The following ZDHHC14 variants were observed in gnomAD, a reference collection of about 807,000 sequenced individuals.
ZDHHC14 encodes palmitoyltransferase ZDHHC14.
In ZDHHC14, 16 loss-of-function variants were observed where a neutral mutation model predicts 47.7. That is an observed-to-expected ratio of 0.34 (90% confidence interval 0.23 to 0.51). The LOEUF (loss-of-function observed/expected upper bound fraction) is 0.51, where lower values mean the gene tolerates loss of function less well. Ranked by LOEUF, ZDHHC14 falls within the 20% of genes least tolerant of loss-of-function variation. ZDHHC14 has a pLI of 0.97. For synonymous variants in ZDHHC14, 293 were observed against 278.9 expected (o/e 1.05, Z -0.50); for missense variants, 515 against 662.5 (o/e 0.78, Z 2.44).
chr6:157,672,798 G>T lies in ZDHHC14; in HGVS notation c.1143G>T (p.Glu381Asp). The T allele has an allele frequency of 6.2e-7, 1 of 1,612,738 alleles. No homozygotes were observed. Among genetic ancestry groups the T allele is most frequent in the South Asian group, 1.1e-5 (1 of 91,058 alleles). ...QAAATPLLQS[E>D]PSLTSDELHL... ...CAGCCACGCCCCTGCTGCAGAGCGA[G>T]CCCAGCCTCACCAGCGACGAGCTGC... Residue 381 changes from glutamate (E) to aspartate (D), a missense_variant, in exon 9 of 9, where the codon GAG (glutamate) becomes GAT (aspartate). Around this residue, in one of 4 missense-constraint regions of ZDHHC14, gnomAD observed 221 missense variants for 233.6 expected, o/e 0.95. Transcript: ENST00000359775.
At chr6:157,413,240 C>T (rs1013770220) in intron 1 of ZDHHC14, among the ~76,000 whole-genome samples, 1 of 152,220 alleles carries the variant, frequency 6.6e-6, no homozygotes, top group Non-Finnish European at 1.5e-5. Context: ...TGCTGCTTCT[C>T]TCTGCCTCTC....
At position 157,636,199 on chromosome 6, in the gene ZDHHC14, AACAC is replaced by A. The variant is rs200065831; in HGVS notation, c.752+3333_752+3336del. Among the ~76,000 whole-genome samples, 117 of 150,852 alleles carry A rather than the reference AACAC, an allele frequency of 7.8e-4. 1 individual carries two copies. Among genetic ancestry groups the A allele is most frequent in the African/African-American group, 2.7e-3 (112 of 41,170 alleles). ...TCGCACAGGTCACTTGATGGATTTA[AACAC>A]ACACACACACACACAGCGCTGTCTA... is the stretch of plus-strand genomic sequence containing the variant. On this transcript the variant is annotated intron_variant, in intron 5 of 8. Coordinates refer to ENST00000359775, the MANE Select transcript of ZDHHC14 (RefSeq NM_024630.3).
chr6:157,643,650 A>AATATAT (rs3056787), intron 5 of ZDHHC14, among the ~76,000 whole-genome samples: 6,236 of 72,432 alleles, frequency 0.086, 985 homozygotes, highest in South Asian at 0.11. Flanking sequence ...CTTCATCTCA[A>AATATAT]ATATATATAT....
intron 3 of ZDHHC14, among the ~76,000 whole-genome samples, chr6:157,625,764 T>A (rs917008946): frequency 3.9e-5 from 6 of 152,060 alleles, no homozygotes; most frequent in Admixed American, 6.5e-5. Context: ...TTCAGTAGGA[T>A]AATTTCTCGG....
At chr6:157,506,004 T>G (rs1030149381) in intron 1 of ZDHHC14, among the ~76,000 whole-genome samples, 1 of 152,212 alleles carries the variant, frequency 6.6e-6, no homozygotes, top group African/African-American at 2.4e-5. Flanking sequence ...ATAGCACCTG[T>G]GCTTGGTAAC....
At chr6:157,480,170 C>T (rs1779588004) in intron 1 of ZDHHC14, among the ~76,000 whole-genome samples, 1 of 151,640 alleles carries the variant, frequency 6.6e-6, no homozygotes, top group Non-Finnish European at 1.5e-5. Flanking sequence ...AGTGTTTCAT[C>T]ACTGACATTT....
intron 1 of ZDHHC14, among the ~76,000 whole-genome samples, chr6:157,507,654 C>T (rs1562453099): frequency 6.6e-6 from 1 of 152,188 alleles, no homozygotes; most frequent in Non-Finnish European, 1.5e-5. Flanking sequence ...CATCCAATTG[C>T]ACCCATTCTT....
intron 1 of ZDHHC14, among the ~76,000 whole-genome samples, chr6:157,434,395 A>T (rs1396242140): frequency 6.6e-6 from 1 of 151,948 alleles, no homozygotes; most frequent in East Asian, 1.9e-4. Context: ...TTCACACCAG[A>T]CAGGTGGATG....
chr6:157,423,031 C>T (rs1004759090), intron 1 of ZDHHC14, among the ~76,000 whole-genome samples: 6 of 152,148 alleles, frequency 3.9e-5, no homozygotes, highest in African/African-American at 1.4e-4. Context: ...AAATGTTTTC[C>T]AGGCCAAACA....
At chr6:157,556,910 C>G (rs181867738) in intron 2 of ZDHHC14, among the ~76,000 whole-genome samples, 1 of 152,070 alleles carries the variant, frequency 6.6e-6, no homozygotes. Flanking sequence ...GGAAGAGTTG[C>G]GGGCACTGAG....
intron 1 of ZDHHC14, among the ~76,000 whole-genome samples, chr6:157,386,076 TTGTTAG>T (rs1429084067): frequency 6.6e-6 from 1 of 152,182 alleles, no homozygotes; most frequent in African/African-American, 2.4e-5. Flanking sequence ...ATGGTTCATA[TTGTTAG>T]AGTAAATCTT....
At chr6:157,474,091 C>G (rs1392788455) in intron 1 of ZDHHC14, among the ~76,000 whole-genome samples, 1 of 151,304 alleles carries the variant, frequency 6.6e-6, no homozygotes, top group East Asian at 1.9e-4. Context: ...CGGGTTCAAG[C>G]AATTCTCCTG....
intron 3 of ZDHHC14, among the ~76,000 whole-genome samples, chr6:157,605,941 A>G (rs1461140696): frequency 6.6e-6 from 1 of 152,212 alleles, no homozygotes; most frequent in Non-Finnish European, 1.5e-5. Context: ...GCCCAGGCAA[A>G]GTCATAAATA....
chr6:157,503,614 C>T (rs553997702), intron 1 of ZDHHC14, among the ~76,000 whole-genome samples: 1 of 152,240 alleles, frequency 6.6e-6, no homozygotes, highest in South Asian at 2.1e-4. Context: ...TTTTCATCCT[C>T]CTATTGAATT....
intron 6 of ZDHHC14, chr6:157,646,408 C>G (rs1394883985): frequency 6.6e-6 from 1 of 152,134 alleles, no homozygotes; most frequent in African/African-American, 2.4e-5. Flanking sequence ...GTCAGGAGAT[C>G]GAGGCCATCC....
intron 3 of ZDHHC14, among the ~76,000 whole-genome samples, chr6:157,627,932 T>C (rs1380360231): frequency 6.6e-6 from 1 of 152,216 alleles, no homozygotes; most frequent in East Asian, 1.9e-4. Flanking sequence ...TACTATGCAA[T>C]GCAGGTCACT....
intron 7 of ZDHHC14, among the ~76,000 whole-genome samples, chr6:157,652,451 G>A (rs1210920916): frequency 6.6e-6 from 1 of 152,132 alleles, no homozygotes; most frequent in African/African-American, 2.4e-5. Flanking sequence ...ACACTGTGGG[G>A]GCTGCTCCAG....
chr6:157,461,498 G>A (rs1005789746), intron 1 of ZDHHC14, among the ~76,000 whole-genome samples: 2 of 152,150 alleles, frequency 1.3e-5, no homozygotes, highest in African/African-American at 4.8e-5. Flanking sequence ...TTACGGCCCA[G>A]CCCCATCACT....
chr6:157,515,758 C>T (rs761595994), intron 1 of ZDHHC14, among the ~76,000 whole-genome samples: 18 of 152,116 alleles, frequency 1.2e-4, no homozygotes, highest in Non-Finnish European at 2.5e-4. Context: ...AGCCACCGCG[C>T]CCGGCCCACC....
Sources: allele counts gnomAD v4.1 joint callset (sites outside exome capture counted in the v4.1 genomes callset), GRCh38; gene constraint gnomAD v4.1.1; regional missense constraint gnomAD v4.1.1; transcripts MANE v1.5; gene names NCBI Gene and HGNC (gene_info 2026-07-23, HGNC 2026-07-21).